The following TBK1 variants were observed in gnomAD, a reference collection of about 807,000 sequenced individuals.
The protein encoded by TBK1 is TANK binding kinase 1.
Under a neutral mutation model 99.9 loss-of-function variants are expected in TBK1, and 37 were observed. That is an observed-to-expected ratio of 0.37 (90% CI 0.28 to 0.49). TBK1 has a LOEUF of 0.49. TBK1 is among the 20% of genes least tolerant of loss of function. The pLI is 0.98. For missense variants in TBK1, 644 were observed against 872.5 expected, an observed-to-expected ratio of 0.74 and a Z score of 3.30; for synonymous variants, 258 against 279.8, an observed-to-expected ratio of 0.92 and a Z score of 0.78.
rs183137321 is a variant in TBK1, at chr12:64,489,296, C to T, written c.1442+708C>T. On this transcript the variant is annotated intron_variant, in intron 12 of 20. Coordinates refer to ENST00000331710, the MANE Select transcript of TBK1 (RefSeq NM_013254.4). Reference sequence around the variant, plus strand: ...TTTTAGTTTATTTTTACTTGTTAATCTTATTCCTGAGAACACGTTTTGAAA... The same window carrying T: ...TTTTAGTTTATTTTTACTTGTTAATTTTATTCCTGAGAACACGTTTTGAAA... Among the ~76,000 whole-genome samples the T allele has an allele frequency of 2.4e-3, 358 of 152,268 alleles. 1 individual carries two copies. Among genetic ancestry groups the T allele is most frequent in the Admixed American group, 6.0e-3 (91 of 15,290 alleles).
intron 7 of TBK1, 53 bp downstream of exon 7, chr12:64,480,175 T>G: frequency 7.4e-7 from 1 of 1,348,118 alleles, no homozygotes; most frequent in Non-Finnish European, 1.0e-6. Context: ...TTTGAAATCT[T>G]TGTTGCCTAG....
chr12:64,478,967 T>C (rs1296464211), intron 6 of TBK1, among the ~76,000 whole-genome samples: 1 of 152,266 alleles, frequency 6.6e-6, no homozygotes, highest in African/African-American at 2.4e-5. Flanking sequence ...CTGATGATTT[T>C]ATCTGACACC....
At chr12:64,467,131 G>A (rs1284346477) in intron 5 of TBK1, 49 bp downstream of exon 5, 4 of 1,398,892 alleles carry the variant, frequency 2.9e-6, no homozygotes, top group African/African-American at 1.5e-5. Context: ...TTGATATATT[G>A]TAATTATAAT....
intron 8 of TBK1, chr12:64,484,022 C>T (rs1303464408): frequency 6.0e-5 from 4 of 66,302 alleles, no homozygotes; most frequent in South Asian, 2.9e-4. Flanking sequence ...CACACACACA[C>T]ACACACACAC....
Position 64,490,806 on chromosome 12 carries a change from C to T in TBK1, c.1521+687C>T, listed in dbSNP as rs367625337. Among the ~76,000 whole-genome samples the T allele has an allele frequency of 2.8e-4, 43 of 151,990 alleles. No homozygotes were observed. In the East Asian group the frequency reaches 4.5e-3, roughly 16 times the overall value. ...GTGTGGTGGTGGGCACCTGTAATCC[C>T]AGCTACTTGGGAGGCTGAGGCAGGA... On this transcript the variant is annotated intron_variant, in intron 13 of 20. Transcript: ENST00000331710.
chr12:64,475,757 G>T (rs1286689574), intron 6 of TBK1, among the ~76,000 whole-genome samples: 1 of 152,108 alleles, frequency 6.6e-6, no homozygotes, highest in Non-Finnish European at 1.5e-5. Context: ...TTGTTATCCA[G>T]TCTGCCATTG....
chr12:64,472,983 T>G (rs558530118), intron 5 of TBK1, among the ~76,000 whole-genome samples: 30 of 152,194 alleles, frequency 2.0e-4, no homozygotes, highest in Non-Finnish European at 3.4e-4. Context: ...TCCTCTGAAT[T>G]GATTCTAGAG....
intron 12 of TBK1, among the ~76,000 whole-genome samples, chr12:64,488,801 A>ACAT (rs2040842427): frequency 6.6e-6 from 1 of 152,142 alleles, no homozygotes; most frequent in African/African-American, 2.4e-5. Flanking sequence ...AGACCATCCT[A>ACAT]GCCAACATGG....
At chr12:64,496,915 T>C (rs1336534789) in intron 16 of TBK1, 34 bp from the exon 17 acceptor site, 1 of 1,419,948 alleles carries the variant, frequency 7.0e-7, no homozygotes, top group Admixed American at 1.9e-5. Flanking sequence ...AACAGTGACA[T>C]TGGTTTAAGC....
intron 6 of TBK1, among the ~76,000 whole-genome samples, chr12:64,477,405 G>C (rs943813191): frequency 6.6e-6 from 1 of 152,078 alleles, no homozygotes; most frequent in Admixed American, 6.5e-5. Flanking sequence ...AGGTATTTTT[G>C]TGTCTGTGTG....
chr12:64,492,088 C>G (rs372444844), intron 13 of TBK1, among the ~76,000 whole-genome samples: 2 of 152,250 alleles, frequency 1.3e-5, no homozygotes, highest in East Asian at 3.9e-4. Flanking sequence ...CAGTATTTGT[C>G]TGCATTTAAA....
At chr12:64,457,290 A>C (rs2040500320) in intron 2 of TBK1, among the ~76,000 whole-genome samples, 1 of 152,204 alleles carries the variant, frequency 6.6e-6, no homozygotes, top group African/African-American at 2.4e-5. Context: ...AGTACCATAC[A>C]GACAACTTTT....
intron 3 of TBK1, 30 bp downstream of exon 3, chr12:64,460,359 A>C (rs376335277): frequency 1.4e-6 from 2 of 1,476,984 alleles, no homozygotes; most frequent in African/African-American, 1.4e-5. Context: ...TCTTATATTT[A>C]TTGTAGTTAC....
intron 5 of TBK1, among the ~76,000 whole-genome samples, chr12:64,469,296 T>G (rs866449773): frequency 3.3e-5 from 5 of 151,850 alleles, no homozygotes; most frequent in Admixed American, 2.0e-4. Context: ...GAATGTAAGC[T>G]CCACAAAACC....
chr12:64,454,438 G>A (rs571595715), intron 1 of TBK1, among the ~76,000 whole-genome samples: 4 of 151,948 alleles, frequency 2.6e-5, no homozygotes, highest in East Asian at 3.9e-4. Flanking sequence ...TAGTAGAGGC[G>A]GGGTTTCTCC....
At chr12:64,475,214 G>T (rs1375876215) in intron 6 of TBK1, among the ~76,000 whole-genome samples, 3 of 152,124 alleles carry the variant, frequency 2.0e-5, no homozygotes, top group Admixed American at 2.0e-4. Flanking sequence ...CCAGACACTT[G>T]ATATATTTTA....
chr12:64,468,591 A>G (rs898018362), intron 5 of TBK1, among the ~76,000 whole-genome samples: 1 of 152,194 alleles, frequency 6.6e-6, no homozygotes, highest in Non-Finnish European at 1.5e-5. Context: ...CTAGGTGCTC[A>G]GACTTCTATG....
intron 11 of TBK1, among the ~76,000 whole-genome samples, chr12:64,487,489 A>C (rs118140636): frequency 1.3e-5 from 2 of 152,058 alleles, no homozygotes; most frequent in Non-Finnish European, 2.9e-5. Flanking sequence ...GTGTTCACAT[A>C]TCTTAGTTCC....
chr12:64,470,508 AGT>A (rs763000192), intron 5 of TBK1, among the ~76,000 whole-genome samples: 17 of 152,252 alleles, frequency 1.1e-4, no homozygotes, highest in Admixed American at 2.6e-4. Context: ...TTTCCAAAGT[AGT>A]GAACAATTTT....
Sources: gnomAD v4.1 joint callset for allele counts (sites outside exome capture counted in the v4.1 genomes callset) on GRCh38, gnomAD v4.1.1 for gene constraint, MANE v1.5 for transcripts, NCBI Gene and HGNC (gene_info 2026-07-23, HGNC 2026-07-21) for gene names.